Variants in RBFOX1 observed in about 807,000 individuals in gnomAD.
RBFOX1 encodes the protein RNA binding protein fox-1 homolog 1.
RBFOX1 carries 8 observed loss-of-function variants against 57.7 expected under a neutral mutation model. The observed-to-expected ratio is 0.14, with a 90% confidence interval of 0.08 to 0.25. The LOEUF is 0.25. Among genes scored for constraint, RBFOX1 ranks in the 10% least tolerant of loss-of-function variants. The probability of loss-of-function intolerance (pLI) is 1.00; values close to 1 mark genes in which losing one functional copy is unlikely to be tolerated. For synonymous variants in RBFOX1, 326 were observed against 222.4 expected (o/e 1.47, Z -4.15); for missense variants, 611 against 548.5 (o/e 1.11, Z -1.14).
chr16:6,267,699 C>T (rs1307133447), intron 1 of RBFOX1, among the ~76,000 whole-genome samples: 1 of 152,158 alleles, frequency 6.6e-6, no homozygotes, highest in Non-Finnish European at 1.5e-5. Flanking sequence ...ATCAAAACTT[C>T]TGTTTTTTTC....
rs151232608 is a variant in RBFOX1, at chr16:5,435,376, T to C, written c.220-31840T>C. Among the ~76,000 whole-genome samples, 1,318 of 152,212 alleles carry C rather than the reference T, an allele frequency of 8.7e-3. 10 individuals carry two copies. Among genetic ancestry groups the C allele is most frequent in the Non-Finnish European group, 0.015 (1,004 of 68,006 alleles). On this transcript the variant is annotated intron_variant, in intron 1 of 2. Coordinates refer to the RBFOX1 transcript ENST00000585867. Reference sequence around the variant, plus strand: ...GTGTGTGTGTTGGGGGTGTCATCTGTGAGGCTTTGCTTTAGAATGTGTAGG... The same window carrying C: ...GTGTGTGTGTTGGGGGTGTCATCTGCGAGGCTTTGCTTTAGAATGTGTAGG...
intron 3 of RBFOX1, among the ~76,000 whole-genome samples, chr16:5,719,762 A>G (rs1174725475): frequency 6.6e-6 from 1 of 152,134 alleles, no homozygotes; most frequent in East Asian, 1.9e-4. Flanking sequence ...TTATTTCTGA[A>G]TAATCCATTG....
chr16:7,232,543 A>C (rs1446160614), intron 4 of RBFOX1, among the ~76,000 whole-genome samples: 1 of 152,116 alleles, frequency 6.6e-6, no homozygotes, highest in Non-Finnish European at 1.5e-5. Context: ...GTGTTCTTTT[A>C]AAGAATGAGA....
intron 3 of RBFOX1, among the ~76,000 whole-genome samples, chr16:6,667,608 A>G (rs144636111): frequency 6.6e-6 from 1 of 152,136 alleles, no homozygotes; most frequent in African/African-American, 2.4e-5. Flanking sequence ...CTGGCTGGGC[A>G]CGGTGGCTCA....
chr16:6,834,149 C>G lies in RBFOX1; in HGVS notation c.-16+179499C>G, dbSNP rs920110608. Among the ~76,000 whole-genome samples, 7 of 152,156 alleles carry G rather than the reference C, an allele frequency of 4.6e-5. No individual in the cohort carries two copies. The East Asian group carries it at 9.7e-4, about 21-fold the overall frequency. On this transcript the variant is annotated intron_variant, in intron 3 of 15. Transcript: ENST00000550418. Reference sequence around the variant, plus strand: ...GTGTGATCTCATCCCACTCGGCTCACCACAACCTCCGCCTCCCCAGTTCAA... The same window carrying G: ...GTGTGATCTCATCCCACTCGGCTCAGCACAACCTCCGCCTCCCCAGTTCAA...
At chr16:7,643,701 A>G (rs1050718662) in intron 11 of RBFOX1, among the ~76,000 whole-genome samples, 1 of 152,140 alleles carries the variant, frequency 6.6e-6, no homozygotes, top group African/African-American at 2.4e-5. Context: ...GTAGAGGTAA[A>G]CCCTAGTGGC....
chr16:7,270,436 G>C (rs900943365), intron 4 of RBFOX1, among the ~76,000 whole-genome samples: 6 of 152,084 alleles, frequency 3.9e-5, no homozygotes, highest in South Asian at 2.1e-4. Flanking sequence ...AGATACCATC[G>C]GGCAGATTCA....
intron 3 of RBFOX1, among the ~76,000 whole-genome samples, chr16:6,753,605 A>T (rs1175195446): frequency 6.6e-6 from 1 of 152,166 alleles, no homozygotes; most frequent in Non-Finnish European, 1.5e-5. Flanking sequence ...CAACTCCTGT[A>T]AGTAGAACCA....
At position 6,804,779 on chromosome 16, in the gene RBFOX1, T is replaced by C. The variant is rs192680646; in HGVS notation, c.-16+150129T>C. ...ACGCAGTGGATTGGGGGCCGTTCCC[T>C]ACTCTATTGCCAAGTATGTGCATTT... On this transcript the variant is annotated intron_variant, in intron 3 of 15. Coordinates refer to ENST00000550418, the MANE Select transcript of RBFOX1 (RefSeq NM_018723.4). Among the ~76,000 whole-genome samples the C allele has an allele frequency of 2.0e-5, 3 of 152,346 alleles. No individual in the cohort carries two copies. In the East Asian group the frequency reaches 5.8e-4, roughly 29 times the overall value.
At chr16:6,478,719 G>A (rs1274489395) in intron 2 of RBFOX1, among the ~76,000 whole-genome samples, 3 of 152,018 alleles carry the variant, frequency 2.0e-5, no homozygotes, top group South Asian at 4.2e-4. Flanking sequence ...GGAATGGGAA[G>A]GCCAAGGAGA....
chr16:7,417,219 A>G (rs987709503), intron 4 of RBFOX1, among the ~76,000 whole-genome samples: 16 of 151,810 alleles, frequency 1.1e-4, no homozygotes, highest in Non-Finnish European at 1.9e-4. Context: ...AAAATACAAA[A>G]AATACTGGCT....
intron 2 of RBFOX1, among the ~76,000 whole-genome samples, chr16:6,352,034 T>C (rs2152847854): frequency 6.6e-6 from 1 of 152,308 alleles, no homozygotes; most frequent in East Asian, 1.9e-4. Flanking sequence ...TGCTTTTTTC[T>C]GTCTGTTGGG....
intron 3 of RBFOX1, among the ~76,000 whole-genome samples, chr16:6,927,447 G>A (rs954734950): frequency 4.5e-5 from 5 of 112,146 alleles, no homozygotes; most frequent in East Asian, 4.6e-4. Context: ...AAATCCGAAC[G>A]TCTCGTGTTA....
chr16:6,943,968 G>T (rs532376434), intron 3 of RBFOX1, among the ~76,000 whole-genome samples: 10 of 152,226 alleles, frequency 6.6e-5, no homozygotes, highest in African/African-American at 2.2e-4. Flanking sequence ...GGATTCTGGG[G>T]GCTGCCCAAC....
chr16:5,602,526 C>T (rs1356209086), downstream of RBFOX1, among the ~76,000 whole-genome samples: 1 of 152,114 alleles, frequency 6.6e-6, no homozygotes, highest in African/African-American at 2.4e-5. Context: ...ATGCACATGA[C>T]ATACTGTTGA....
intron 2 of RBFOX1, among the ~76,000 whole-genome samples, chr16:5,548,466 A>T (rs962169977): frequency 2.6e-5 from 4 of 152,028 alleles, no homozygotes; most frequent in Admixed American, 6.6e-5. Context: ...ACCATAGTTG[A>T]TAATAACTTA....
intron 2 of RBFOX1, among the ~76,000 whole-genome samples, chr16:6,438,278 A>G (rs2094290290): frequency 6.6e-6 from 1 of 152,190 alleles, no homozygotes; most frequent in Non-Finnish European, 1.5e-5. Flanking sequence ...TTGTATCCTG[A>G]GAGAAACCTG....
At chr16:5,496,060 G>T (rs528539882) in intron 2 of RBFOX1, among the ~76,000 whole-genome samples, 1 of 152,082 alleles carries the variant, frequency 6.6e-6, no homozygotes, top group Non-Finnish European at 1.5e-5. Flanking sequence ...CAGGAGGCAG[G>T]GGTTGCAGTG....
At chr16:6,787,045 T>C (rs2154243452) in intron 3 of RBFOX1, among the ~76,000 whole-genome samples, 1 of 152,258 alleles carries the variant, frequency 6.6e-6, no homozygotes, top group East Asian at 1.9e-4. Context: ...AATACATTAG[T>C]TGATTTGAAT....
Sources: gnomAD v4.1 joint callset for allele counts (sites outside exome capture counted in the v4.1 genomes callset) on GRCh38, gnomAD v4.1.1 for gene constraint, MANE v1.5 for transcripts, NCBI Gene and HGNC (gene_info 2026-07-23, HGNC 2026-07-21) for gene names.